Variants in TNPO1 observed in about 807,000 individuals in gnomAD.
TNPO1 encodes transportin 1, also known as transportin-1.
A neutral mutation model predicts 119.5 loss-of-function variants in TNPO1; 8 were observed. The ratio of observed to expected loss-of-function variants is 0.07; its 90% CI spans 0.04 to 0.12. TNPO1 has a LOEUF of 0.12. TNPO1 is among the 10% of genes least tolerant of loss of function. The pLI is 1.00. For missense variants in TNPO1, 576 were observed against 1,089.8 expected (o/e 0.53, Z 6.64); for synonymous variants, 362 against 363.0 (o/e 1.00, Z 0.03).
intron 4 of TNPO1, among the ~76,000 whole-genome samples, chr5:72,858,836 C>G (rs1387372836): frequency 8.2e-6 from 1 of 122,216 alleles, no homozygotes; most frequent in African/African-American, 3.0e-5. Context: ...GACTCCGTCT[C>G]AAAAAAAAAA....
rs1291716985 is a variant in TNPO1 at position 72,909,781 on chromosome 5, C to CT, written c.*1114dup. ...AGTTTACAGGTAGGCCTTGAAATAT[C>CT]TTTTTTAGGATCTGTTAGGAATAAG... is the stretch of plus-strand genomic sequence containing the variant. On this transcript the variant is annotated 3_prime_UTR_variant, in exon 25 of 25. Transcript: ENST00000337273. 6 of 152,394 alleles carry CT rather than the reference C, an allele frequency of 3.9e-5. No individual in the cohort carries two copies. The highest frequency in any genetic ancestry group is 4.8e-5 in the African/African-American group (2 of 41,372). The allele number at this position is 152,394 out of a possible 1,614,324, so 9.4% of individuals were successfully genotyped here.
intron 12 of TNPO1, 70 bp downstream of exon 12, chr5:72,887,292 C>T (rs1450859484): frequency 1.9e-6 from 2 of 1,065,156 alleles, no homozygotes; most frequent in Non-Finnish European, 2.5e-6. Flanking sequence ...TAAGGCTAGG[C>T]TACTTTAAGG....
In TNPO1 at chr5:72,861,867, C is replaced by A. The variant is rs1035197733; in HGVS notation, c.415C>A (p.Pro139Thr). Residue 139 changes from proline to threonine, a missense_variant, in exon 5 of 25, where the codon CCA (proline) becomes ACA (threonine). Pro to Thr is a conservative substitution (Grantham distance 38, BLOSUM62 -1). This residue lies in a region of TNPO1 where 310 missense variants were observed against 583.0 expected (regional missense o/e 0.53). Transcript: ENST00000337273. ...GELQNWPDLL[P>T]KLCSLLDSED... The stretch of plus-strand genomic sequence containing the variant: ...ATTGCAGAATTGGCCTGACCTCTTA[C>A]CAAAACTCTGTAGCCTGTTGGATTC... 2 of 1,613,750 alleles carry A rather than the reference C, an allele frequency of 1.2e-6. No individual in the cohort carries two copies. The highest frequency in any genetic ancestry group is 1.7e-5 in the Admixed American group (1 of 59,996).
chr5:72,834,990 A>G (rs538593642), intron 1 of TNPO1, among the ~76,000 whole-genome samples: 2 of 152,260 alleles, frequency 1.3e-5, no homozygotes, highest in African/African-American at 4.8e-5. Flanking sequence ...CATTGCCTGC[A>G]GTATTCAGTA....
chr5:72,831,567 C>T (rs1466917942), intron 1 of TNPO1, among the ~76,000 whole-genome samples: 3 of 151,798 alleles, frequency 2.0e-5, no homozygotes, highest in Non-Finnish European at 4.4e-5. Context: ...ATTTTGTATA[C>T]ACAAGGTATC....
intron 1 of TNPO1, 90 bp downstream of exon 1, chr5:72,816,842 ACG>A: frequency 6.9e-7 from 1 of 1,446,152 alleles, no homozygotes; most frequent in Non-Finnish European, 9.3e-7. Context: ...TACGGGAGAG[ACG>A]CCGGGCTCGC....
intron 1 of TNPO1, among the ~76,000 whole-genome samples, chr5:72,839,137 A>G (rs767469415): frequency 6.6e-6 from 1 of 152,176 alleles, no homozygotes; most frequent in Non-Finnish European, 1.5e-5. Flanking sequence ...TGAACTACTT[A>G]AAAACTAACT....
chr5:72,822,732 A>G lies in TNPO1; in HGVS notation c.15+5980A>G, dbSNP rs190490484. On this transcript the variant is annotated intron_variant, in intron 1 of 24. Transcript: ENST00000337273. ...CTCAGCCTCCCGAGTAGCTGGTACT[A>G]CAGGCACACATCGCCATGCCCAGCT... Among the ~76,000 whole-genome samples the G allele has an allele frequency of 8.6e-5, 13 of 151,484 alleles. No individual in the cohort carries two copies. The East Asian group carries it at 2.5e-3, about 30-fold the overall frequency.
At chr5:72,880,864 C>T (rs1748192772) in intron 9 of TNPO1, among the ~76,000 whole-genome samples, 1 of 150,828 alleles carries the variant, frequency 6.6e-6, no homozygotes, top group African/African-American at 2.4e-5. Context: ...ATGGGGGCTT[C>T]AGGAGAAATC....
chr5:72,836,010 C>G (rs1033172570), intron 1 of TNPO1, among the ~76,000 whole-genome samples: 18 of 152,238 alleles, frequency 1.2e-4, no homozygotes, highest in African/African-American at 4.1e-4. Context: ...GTTGGGCCCC[C>G]AAGTCTCCAG....
rs552121265 is a variant in TNPO1 at position 72,869,931 on chromosome 5, T to C, written c.597-2708T>C. Among the ~76,000 whole-genome samples the C allele has an allele frequency of 3.0e-4, 46 of 152,304 alleles. 2 individuals carry two copies. The South Asian group carries it at 9.1e-3, about 30-fold the overall frequency. ...AGTTTTATTTTTATATACACAGATA[T>C]CCATAGCATTCCAAGTTTATCATCT... On this transcript the variant is annotated intron_variant, in intron 6 of 24. Transcript: ENST00000337273.
chr5:72,851,860 T>G (rs537076829), intron 3 of TNPO1, among the ~76,000 whole-genome samples: 1 of 152,362 alleles, frequency 6.6e-6, no homozygotes, highest in African/African-American at 2.4e-5. Flanking sequence ...AAAAACTTGT[T>G]GCAAAGTCTA....
chr5:72,875,812 C>A, intron 8 of TNPO1, 75 bp downstream of exon 8: 2 of 1,484,896 alleles, frequency 1.3e-6, no homozygotes, highest in South Asian at 2.5e-5. Context: ...TACAACATAC[C>A]GGATGGGAAG....
In TNPO1 at chr5:72,852,448, G is replaced by A. The variant is rs145394326; in HGVS notation, c.205+1129G>A. 1.6e-4 allele frequency among the ~76,000 whole-genome samples: 24 copies of A among 152,238 alleles called. 1 individual carries two copies. Among genetic ancestry groups the A allele is most frequent in the African/African-American group, 5.1e-4 (21 of 41,548 alleles). ...AGTTGTTTCTCATAGCATTATTTGG[G>A]TATTCCCTCCCTGAAACATTGTGGA... On this transcript the variant is annotated intron_variant, in intron 3 of 24. Coordinates refer to ENST00000337273, the MANE Select transcript of TNPO1 (RefSeq NM_002270.4).
intron 2 of TNPO1, among the ~76,000 whole-genome samples, chr5:72,850,151 A>G (rs994428257): frequency 1.3e-5 from 2 of 152,196 alleles, no homozygotes; most frequent in Non-Finnish European, 2.9e-5. Flanking sequence ...AAGATAATAT[A>G]TTTAATTATT....
At chr5:72,827,262 G>A (rs1329597301) in intron 1 of TNPO1, among the ~76,000 whole-genome samples, 1 of 152,172 alleles carries the variant, frequency 6.6e-6, no homozygotes, top group African/African-American at 2.4e-5. Context: ...TCAGAGAGAT[G>A]GGCAGGCACC....
At chr5:72,827,652 T>C (rs534289813) in intron 1 of TNPO1, among the ~76,000 whole-genome samples, 4 of 152,046 alleles carry the variant, frequency 2.6e-5, no homozygotes, top group Non-Finnish European at 4.4e-5. Flanking sequence ...TAGTATTTAG[T>C]GGTATTAGGC....
At chr5:72,895,424 T>A (rs562956887) in intron 18 of TNPO1, among the ~76,000 whole-genome samples, 8 of 152,094 alleles carry the variant, frequency 5.3e-5, no homozygotes, top group Admixed American at 3.9e-4. Flanking sequence ...GGGGCAATTT[T>A]GCCATTCGGG....
chr5:72,893,824 ATTGGT>A, intron 18 of TNPO1, 121 bp downstream of exon 18: 3 of 955,062 alleles, frequency 3.1e-6, no homozygotes, highest in Non-Finnish European at 4.8e-6. Context: ...TGTACACTTT[ATTGGT>A]TAAAGTAAAC....
Sources: allele counts gnomAD v4.1 joint callset (sites outside exome capture counted in the v4.1 genomes callset), GRCh38; gene constraint gnomAD v4.1.1; regional missense constraint gnomAD v4.1.1; transcripts MANE v1.5; gene names NCBI Gene and HGNC (gene_info 2026-07-23, HGNC 2026-07-21).